Variants in TSEN2 observed in about 807,000 individuals in gnomAD.
TSEN2 encodes the protein tRNA-splicing endonuclease subunit Sen2.
In TSEN2, 54 loss-of-function variants were observed where a neutral mutation model predicts 59.2. The ratio of observed to expected loss-of-function variants is 0.91; its 90% CI spans 0.73 to 1.14. The LOEUF is 1.14. Among genes scored for constraint, TSEN2 ranks in the 50% most tolerant of loss-of-function variants. The pLI is 0.00. For synonymous variants in TSEN2, 195 were observed against 198.2 expected (o/e 0.98, Z 0.14); for missense variants, 636 against 576.2 (o/e 1.10, Z -1.06).
intron 6 of TSEN2, among the ~76,000 whole-genome samples, chr3:12,509,193 T>TG (rs2055161234): frequency 1.6e-5 from 2 of 128,118 alleles, no homozygotes; most frequent in South Asian, 2.4e-4. Flanking sequence ...TTTTTTTTGG[T>TG]TTTTTTTGTT....
intron 11 of TSEN2, 149 bp downstream of exon 11, chr3:12,531,808 C>T (rs1361949673): frequency 1.5e-5 from 10 of 659,608 alleles, no homozygotes; most frequent in Non-Finnish European, 2.2e-5. Context: ...CTCACCTTTT[C>T]CCCATTGAAC....
intron 6 of TSEN2, among the ~76,000 whole-genome samples, chr3:12,511,906 G>A (rs934327819): frequency 5.9e-5 from 9 of 152,100 alleles, no homozygotes; most frequent in Non-Finnish European, 1.2e-4. Flanking sequence ...CTTCTAAGAG[G>A]CCATAATATA....
intron 1 of TSEN2, among the ~76,000 whole-genome samples, chr3:12,487,841 A>G (rs1368624836): frequency 1.3e-5 from 2 of 152,248 alleles, no homozygotes; most frequent in Non-Finnish European, 2.9e-5. Flanking sequence ...CTATACAGCA[A>G]GATGCATGCA....
At chr3:12,483,096 C>A (rs1021175327), upstream of TSEN2, among the ~76,000 whole-genome samples, 2 of 152,224 alleles carry the variant, frequency 1.3e-5, no homozygotes, top group Admixed American at 1.3e-4. Flanking sequence ...AAGGGCCAGG[C>A]AGGATGCAGT....
chr3:12,485,034 C>T (rs1229309850), intron 1 of TSEN2, among the ~76,000 whole-genome samples, 154 bp downstream of exon 1: 3 of 152,354 alleles, frequency 2.0e-5, no homozygotes, highest in Middle Eastern at 3.4e-3. Flanking sequence ...CTGACAACAA[C>T]TTTCAAAGGC....
intron 8 of TSEN2, among the ~76,000 whole-genome samples, chr3:12,526,490 TA>T (rs1378748211): frequency 6.6e-6 from 1 of 152,250 alleles, no homozygotes; most frequent in African/African-American, 2.4e-5. Flanking sequence ...TGATATCACA[TA>T]GCCTATGTGT....
chr3:12,503,106 A>G (rs924950404), intron 4 of TSEN2, among the ~76,000 whole-genome samples, 156 bp from the exon 5 acceptor site: 21 of 152,176 alleles, frequency 1.4e-4, no homozygotes, highest in Admixed American at 1.3e-4. Context: ...AAATGCAGAA[A>G]AGTATAAAGA....
chr3:12,489,712 A>G (rs2053012023), intron 1 of TSEN2, 72 bp from the exon 2 acceptor site: 6 of 1,293,942 alleles, frequency 4.6e-6, no homozygotes, highest in Non-Finnish European at 6.5e-6. Context: ...CTAGGTACAG[A>G]TGTACTCACA....
At chr3:12,516,416 CTCCGTT>C (rs1215822669) in intron 6 of TSEN2, among the ~76,000 whole-genome samples, 189 bp from the exon 7 acceptor site, 23 of 150,264 alleles carry the variant, frequency 1.5e-4, no homozygotes, top group African/African-American at 4.4e-4. Flanking sequence ...CAGAGTGAGA[CTCCGTT>C]TCAAAAACAA....
rs190469428 is a variant in TSEN2 at position 12,505,024 on chromosome 3, C to A, written c.832-130C>A. 728 of 698,592 alleles carry A rather than the reference C, an allele frequency of 1.0e-3. 8 individuals carry two copies. In the East Asian group the frequency reaches 0.018, roughly 17 times the overall value. 43.3% of individuals were successfully genotyped at this position (698,592 alleles called of 1,614,324 possible). A position where few individuals can be genotyped will look rare whatever the true frequency, so the allele number is the denominator to read the frequency against. ...TCAAAAAAATTGTGTTTTAATCATT[C>A]TTTATAATATTAACACAATAGAATG... On this transcript the variant is annotated intron_variant, in intron 5 of 11. Transcript: ENST00000284995.
At chr3:12,517,265 G>A (rs2056223273) in intron 7 of TSEN2, among the ~76,000 whole-genome samples, 1 of 148,260 alleles carries the variant, frequency 6.7e-6, no homozygotes. Context: ...GGCTGAGGCA[G>A]GAGAATGGCA....
At chr3:12,487,986 C>T (rs1362369890) in intron 1 of TSEN2, among the ~76,000 whole-genome samples, 2 of 152,168 alleles carry the variant, frequency 1.3e-5, no homozygotes, top group South Asian at 4.1e-4. Context: ...TCTTCTTTTT[C>T]ATGGTTATCT....
At chr3:12,502,478 G>A (rs1292782298) in intron 4 of TSEN2, among the ~76,000 whole-genome samples, 1 of 152,078 alleles carries the variant, frequency 6.6e-6, no homozygotes, top group Non-Finnish European at 1.5e-5. Context: ...AGAGGTTACA[G>A]TGAGCCGAAA....
chr3:12,520,088 C>T (rs60930927), intron 8 of TSEN2, among the ~76,000 whole-genome samples: 2,790 of 152,064 alleles, frequency 0.018, 45 homozygotes, highest in South Asian at 0.057. Context: ...AACCTCCACC[C>T]CATGGGTTCA....
chr3:12,513,128 A>G (rs972865994), intron 6 of TSEN2, among the ~76,000 whole-genome samples: 6 of 152,232 alleles, frequency 3.9e-5, no homozygotes, highest in Admixed American at 2.6e-4. Context: ...TGCATAGATG[A>G]TCAAAGCCAG....
chr3:12,527,485 G>A (rs1433682878), intron 8 of TSEN2, among the ~76,000 whole-genome samples: 15 of 134,856 alleles, frequency 1.1e-4, no homozygotes, highest in Non-Finnish European at 2.1e-4. Flanking sequence ...ACGGAGTCTC[G>A]CTCTGTCGCC....
intron 8 of TSEN2, among the ~76,000 whole-genome samples, chr3:12,522,799 C>T (rs2056755854): frequency 1.3e-5 from 2 of 152,162 alleles, no homozygotes; most frequent in African/African-American, 4.8e-5. Context: ...TGATATGGTT[C>T]TCAAATCAAG....
chr3:12,506,029 A>G (rs2054794424), intron 6 of TSEN2, among the ~76,000 whole-genome samples: 1 of 152,098 alleles, frequency 6.6e-6, no homozygotes, highest in Non-Finnish European at 1.5e-5. Context: ...TGCCGGGGGT[A>G]GGGGGGTGGA....
chr3:12,502,690 T>TTTTTTTTTTTG (rs1491319540), intron 4 of TSEN2, among the ~76,000 whole-genome samples: 2,350 of 108,082 alleles, frequency 0.022, 19 homozygotes, highest in South Asian at 0.051. Context: ...TTTTTTTTTG[T>TTTTTTTTTTTG]TTTTTTTTTT....
Sources: allele counts gnomAD v4.1 joint callset (sites outside exome capture counted in the v4.1 genomes callset), GRCh38; gene constraint gnomAD v4.1.1; transcripts MANE v1.5; gene names NCBI Gene and HGNC (gene_info 2026-07-23, HGNC 2026-07-21).